RPH3A: variants seen among roughly 807,000 people sequenced by gnomAD.
RPH3A encodes the protein rabphilin 3A.
RPH3A carries 48 observed loss-of-function variants against 102.2 expected under a neutral mutation model. The observed-to-expected ratio is 0.47, with a 90% CI of 0.37 to 0.60. The LOEUF is 0.60. Ranked by LOEUF, RPH3A falls within the 20% of genes least tolerant of loss-of-function variation. The pLI, the probability that RPH3A is intolerant of heterozygous loss-of-function variation, is 0.00. For missense variants in RPH3A, 781 were observed against 910.1 expected (o/e 0.86, Z 1.83); for synonymous variants, 310 against 324.3 (o/e 0.96, Z 0.47).
rs532335343 is a variant in RPH3A, at chr12:112,722,464, G to A, written c.-139-69679G>A. Reference sequence around the variant, plus strand: ...AATGTTGTAGAATACTCTACTAGTTGCCTAAACTCCATATTCAGTCTACTT... The same window carrying A: ...AATGTTGTAGAATACTCTACTAGTTACCTAAACTCCATATTCAGTCTACTT... On this transcript the variant is annotated intron_variant, in intron 1 of 21. Coordinates refer to the RPH3A transcript ENST00000543106. Among the ~76,000 whole-genome samples, 269 of 152,330 alleles carry A rather than the reference G, an allele frequency of 1.8e-3. 2 individuals carry two copies. Among genetic ancestry groups the A allele is most frequent in the African/African-American group, 6.2e-3 (256 of 41,570 alleles).
intron 1 of RPH3A, among the ~76,000 whole-genome samples, chr12:112,746,079 GAGT>G (rs2040743414): frequency 6.6e-6 from 1 of 152,118 alleles, no homozygotes; most frequent in Non-Finnish European, 1.5e-5. Context: ...TTCCTTGTCA[GAGT>G]ACTACGTGTG....
intron 1 of RPH3A, among the ~76,000 whole-genome samples, chr12:112,602,476 T>C (rs576063900): frequency 3.3e-5 from 5 of 152,146 alleles, no homozygotes; most frequent in Non-Finnish European, 5.9e-5. Context: ...ATGACTGTTT[T>C]TGGGGGAGGA....
At chr12:112,727,448 C>T (rs1391331237) in intron 1 of RPH3A, among the ~76,000 whole-genome samples, 3 of 10,276 alleles carry the variant, frequency 2.9e-4, no homozygotes, top group African/African-American at 2.1e-3. Flanking sequence ...TACATACACA[C>T]ACAGACACAG....
intron 1 of RPH3A, among the ~76,000 whole-genome samples, chr12:112,678,241 GAAAGAAAGAAAGAAAGAAAGAAAGAAAGA>G (rs2040195878): frequency 5.8e-4 from 4 of 6,906 alleles, no homozygotes; most frequent in African/African-American, 3.9e-3. Flanking sequence ...TCGAAAGAAA[GAAAGAAAGAAAGAAAGAAAGAAAGAAAGA>G]AAGAAAGAAA....
chr12:112,800,951 G>A (rs755338464), intron 2 of RPH3A, among the ~76,000 whole-genome samples: 5 of 152,138 alleles, frequency 3.3e-5, no homozygotes, highest in South Asian at 2.1e-4. Flanking sequence ...CCCTCTCCCC[G>A]GAAGAAAAGG....
intron 5 of RPH3A, among the ~76,000 whole-genome samples, chr12:112,862,776 A>G (rs1324866000): frequency 2.0e-5 from 3 of 152,208 alleles, no homozygotes; most frequent in African/African-American, 7.2e-5. Flanking sequence ...ACACAAAGGG[A>G]TAAGCTGCTA....
chr12:112,641,429 C>T (rs139213324), intron 1 of RPH3A, among the ~76,000 whole-genome samples: 1 of 152,264 alleles, frequency 6.6e-6, no homozygotes, highest in African/African-American at 2.4e-5. Context: ...TGATCTGTCA[C>T]CAGCTCTGTC....
intron 1 of RPH3A, among the ~76,000 whole-genome samples, chr12:112,715,726 G>A (rs943242373): frequency 6.6e-6 from 1 of 152,106 alleles, no homozygotes; most frequent in African/African-American, 2.4e-5. Flanking sequence ...TACCGGAAAG[G>A]GGTCCCAATC....
intron 1 of RPH3A, among the ~76,000 whole-genome samples, chr12:112,581,370 A>G (rs932470328): frequency 2.0e-5 from 3 of 152,102 alleles, no homozygotes; most frequent in African/African-American, 7.2e-5. Flanking sequence ...CATGGGAAAG[A>G]CCTGCCCCCA....
intron 5 of RPH3A, among the ~76,000 whole-genome samples, chr12:112,863,652 C>A (rs1387150861): frequency 6.6e-6 from 1 of 152,216 alleles, no homozygotes; most frequent in Non-Finnish European, 1.5e-5. Context: ...CACTTCCTAG[C>A]TGTGTGACCT....
chr12:112,851,269 G>A (rs1386422602), intron 5 of RPH3A, among the ~76,000 whole-genome samples: 1 of 152,140 alleles, frequency 6.6e-6, no homozygotes, highest in Non-Finnish European at 1.5e-5. Flanking sequence ...AAGGTCGTAT[G>A]CAGGCAAGGT....
chr12:112,597,511 C>T (rs1430642800), intron 1 of RPH3A, among the ~76,000 whole-genome samples: 4 of 152,138 alleles, frequency 2.6e-5, no homozygotes, highest in African/African-American at 7.2e-5. Context: ...GTGGGATGAT[C>T]ACCTGCGTCT....
rs1240197448 is a variant in RPH3A at position 112,827,680 on chromosome 12, A to G, written c.-18-621A>G. Among the ~76,000 whole-genome samples the G allele has an allele frequency of 2.6e-5, 4 of 151,384 alleles. No homozygotes were observed. The South Asian group carries it at 8.4e-4, about 32-fold the overall frequency. ...TTTTCTGATAGCTTGGATGTAGAGTATTTTTTTTTAAAAAAGGCAGGGACA... is the reference window on the plus strand; with the variant it reads ...TTTTCTGATAGCTTGGATGTAGAGTGTTTTTTTTTAAAAAAGGCAGGGACA... On this transcript the variant is annotated intron_variant, in intron 2 of 21. Coordinates refer to ENST00000389385, the MANE Select transcript of RPH3A (RefSeq NM_001143854.2).
chr12:112,749,505 C>A (rs1404172945), intron 1 of RPH3A, among the ~76,000 whole-genome samples: 2 of 152,154 alleles, frequency 1.3e-5, no homozygotes, highest in African/African-American at 4.8e-5. Flanking sequence ...AAAGATTCAG[C>A]GTTTTCTCCT....
At position 112,879,112 on chromosome 12, in the gene RPH3A, C is replaced by T. The variant is rs377241609; in HGVS notation, c.1172-7C>T. 9 of 1,613,256 alleles carry T rather than the reference C, an allele frequency of 5.6e-6. No homozygotes were observed. Among genetic ancestry groups the T allele is most frequent in the East Asian group, 2.2e-5 (1 of 44,850 alleles). ...GTTATCTTGGTTCCTGTCTCTGCCCCCTTCAGCCACCCTGGGTGCCCTGGA... is the reference window on the plus strand; with the variant it reads ...GTTATCTTGGTTCCTGTCTCTGCCCTCTTCAGCCACCCTGGGTGCCCTGGA... On this transcript the variant is annotated splice_region_variant and splice_polypyrimidine_tract_variant and intron_variant, in intron 13 of 21. Coordinates refer to ENST00000389385, the MANE Select transcript of RPH3A (RefSeq NM_001143854.2).
At chr12:112,872,501 T>C (rs77807384) in intron 10 of RPH3A, among the ~76,000 whole-genome samples, 1 of 152,166 alleles carries the variant, frequency 6.6e-6, no homozygotes, top group South Asian at 2.1e-4. Flanking sequence ...TCATGGGTTG[T>C]TTTTTCACTC....
Position 112,844,981 on chromosome 12 carries a change from C to T in RPH3A, c.84-2715C>T, listed in dbSNP as rs116973325. On this transcript the variant is annotated intron_variant, in intron 4 of 21. Transcript: ENST00000389385. ...GGCTGGGGGCCTCAGTTCCCCTCCA[C>T]GTGGGCCTCTCCATGGGGCTGTTTG... is the stretch of plus-strand genomic sequence containing the variant. Among the ~76,000 whole-genome samples, 394 of 152,352 alleles carry T rather than the reference C, an allele frequency of 2.6e-3. 2 individuals carry two copies. The highest frequency in any genetic ancestry group is 4.6e-3 in the Non-Finnish European group (312 of 68,024).
rs937942438 is a variant in RPH3A, at chr12:112,700,328, C to T, written c.-139-91815C>T. ...AAGTGATCCACCCACCTCTGCTTCC[C>T]CAAGTGAATTCTTAATATAATGATT... On this transcript the variant is annotated intron_variant, in intron 1 of 21. Coordinates refer to the RPH3A transcript ENST00000543106. Among the ~76,000 whole-genome samples the T allele has an allele frequency of 5.5e-4, 84 of 152,102 alleles. 1 individual carries two copies. Among genetic ancestry groups the T allele is most frequent in the Admixed American group, 3.1e-3 (48 of 15,268 alleles).
At chr12:112,600,237 T>C (rs1325348313) in intron 1 of RPH3A, among the ~76,000 whole-genome samples, 2 of 152,174 alleles carry the variant, frequency 1.3e-5, no homozygotes, top group African/African-American at 2.4e-5. Flanking sequence ...TGTTTTCTTC[T>C]TCTTAATTTA....
Sources: gnomAD v4.1 joint callset for allele counts (sites outside exome capture counted in the v4.1 genomes callset) on GRCh38, gnomAD v4.1.1 for gene constraint, MANE v1.5 for transcripts, NCBI Gene and HGNC (gene_info 2026-07-23, HGNC 2026-07-21) for gene names.